Variants in STON2 observed in about 807,000 individuals in gnomAD.
The protein encoded by STON2 is stonin 2.
Under a neutral mutation model 65.7 loss-of-function variants are expected in STON2, and 29 were observed. The ratio of observed to expected loss-of-function variants is 0.44; its 90% CI spans 0.33 to 0.60. The LOEUF is 0.60. STON2 is among the 20% of genes least tolerant of loss of function. STON2 has a pLI of 0.03. For missense variants in STON2, 1,054 were observed against 1,118.1 expected (o/e 0.94, Z 0.82); for synonymous variants, 404 against 414.2 (o/e 0.98, Z 0.30).
intron 5 of STON2, among the ~76,000 whole-genome samples, chr14:81,319,881 G>A (rs1004809035): frequency 1.3e-5 from 2 of 152,076 alleles, no homozygotes; most frequent in Non-Finnish European, 2.9e-5. Flanking sequence ...TTGAACTAAG[G>A]GTTTATAATG....
At chr14:81,321,550 AT>A (rs1896823474) in intron 5 of STON2, among the ~76,000 whole-genome samples, 1 of 152,110 alleles carries the variant, frequency 6.6e-6, no homozygotes. Flanking sequence ...CTCTTTAAAT[AT>A]ACAGTTTTCA....
intron 4 of STON2, among the ~76,000 whole-genome samples, chr14:81,327,003 C>G (rs897499628): frequency 6.6e-6 from 1 of 152,064 alleles, no homozygotes; most frequent in African/African-American, 2.4e-5. Context: ...ACTAAAAATA[C>G]AAAAATTAGC....
intron 6 of STON2, among the ~76,000 whole-genome samples, chr14:81,272,011 CAGG>C (rs1318610775): frequency 1.3e-5 from 2 of 152,088 alleles, no homozygotes; most frequent in Non-Finnish European, 2.9e-5. Context: ...ATCACGAGGT[CAGG>C]AGATCGAGAC....
intron 4 of STON2, among the ~76,000 whole-genome samples, chr14:81,357,798 A>G (rs1898311176): frequency 6.6e-6 from 1 of 150,988 alleles, no homozygotes; most frequent in Non-Finnish European, 1.5e-5. Context: ...ACAAAAAACC[A>G]AACACCGCAT....
chr14:81,268,632 G>A (rs1411689795), intron 7 of STON2, 135 bp from the exon 8 acceptor site: 1 of 1,232,518 alleles, frequency 8.1e-7, no homozygotes, highest in Non-Finnish European at 1.0e-6. Context: ...TAGCCACATT[G>A]GAGCTACTGG....
chr14:81,350,115 G>A (rs1375871219), intron 4 of STON2, among the ~76,000 whole-genome samples: 1 of 152,098 alleles, frequency 6.6e-6, no homozygotes, highest in Non-Finnish European at 1.5e-5. Flanking sequence ...CAAACATACA[G>A]TTAGATAGAA....
At chr14:81,358,511 G>A (rs769765062) in intron 4 of STON2, among the ~76,000 whole-genome samples, 1 of 151,912 alleles carries the variant, frequency 6.6e-6, no homozygotes, top group Non-Finnish European at 1.5e-5. Context: ...ACAACCAGAA[G>A]GCAATTAATA....
chr14:81,365,153 G>A (rs947241896), intron 4 of STON2, among the ~76,000 whole-genome samples: 6 of 152,256 alleles, frequency 3.9e-5, no homozygotes, highest in African/African-American at 1.4e-4. Flanking sequence ...CTTTTTGCAA[G>A]TGGTTGCTGT....
At chr14:81,387,692 A>C (rs1235507403) in intron 3 of STON2, among the ~76,000 whole-genome samples, 1 of 151,748 alleles carries the variant, frequency 6.6e-6, no homozygotes, top group African/African-American at 2.4e-5. Context: ...CAGGAGTTCA[A>C]GACCAGTCTG....
At chr14:81,396,310 G>C in intron 2 of STON2, 132 bp from the exon 3 acceptor site, 1 of 750,258 alleles carries the variant, frequency 1.3e-6, no homozygotes, top group Non-Finnish European at 2.1e-6. Context: ...GGAGAAGAAA[G>C]AGCCACACCC....
At chr14:81,306,579 TA>T (rs1258054854) in intron 5 of STON2, 2 of 152,224 alleles carry the variant, frequency 1.3e-5, no homozygotes, top group East Asian at 3.9e-4. Context: ...TATATGGCAC[TA>T]AGCACAGAGT....
At chr14:81,397,011 C>T (rs4110462) in intron 2 of STON2, among the ~76,000 whole-genome samples, 26,839 of 152,014 alleles carry the variant, frequency 0.18, 3,052 homozygotes, top group East Asian at 0.43. Context: ...TGAGCTGAGA[C>T]TGCACCACTG....
chr14:81,405,814 G>T (rs927086143), intron 2 of STON2, among the ~76,000 whole-genome samples: 1 of 152,156 alleles, frequency 6.6e-6, no homozygotes, highest in African/African-American at 2.4e-5. Context: ...AGGATGCAAA[G>T]TATTGTTCCC....
upstream of STON2, among the ~76,000 whole-genome samples, chr14:81,402,614 A>G (rs1442194508): frequency 1.3e-5 from 2 of 152,162 alleles, no homozygotes; most frequent in Non-Finnish European, 2.9e-5. Flanking sequence ...TCTAGCCCAC[A>G]GTGAGTTACA....
At chr14:81,269,974 A>G in intron 7 of STON2, 1 of 985,254 alleles carries the variant, frequency 1.0e-6, no homozygotes, top group Non-Finnish European at 1.2e-6. Flanking sequence ...CACTTCATCA[A>G]CTCTAACTGA....
chr14:81,359,857 T>TGAACCAGTGATTTAAAAAC (rs1898411018), intron 4 of STON2, among the ~76,000 whole-genome samples: 1 of 152,116 alleles, frequency 6.6e-6, no homozygotes, highest in African/African-American at 2.4e-5. Context: ...GTAAGGAGAC[T>TGAACCAGTGATTTAAAAAC]GAACCAGTGA....
At chr14:81,269,866 C>T in intron 7 of STON2, 1 of 985,386 alleles carries the variant, frequency 1.0e-6, no homozygotes, top group South Asian at 4.7e-5. Context: ...TTCCACAGCC[C>T]TGACCCTGTT....
At chr14:81,348,652 T>C (rs928892373) in intron 4 of STON2, among the ~76,000 whole-genome samples, 16 of 152,128 alleles carry the variant, frequency 1.1e-4, no homozygotes, top group South Asian at 4.1e-4. Context: ...ATAATTAATA[T>C]TGTTAAAATG....
At chr14:81,419,011 T>G (rs1336612547) in intron 2 of STON2, among the ~76,000 whole-genome samples, 1 of 151,454 alleles carries the variant, frequency 6.6e-6, no homozygotes, top group Non-Finnish European at 1.5e-5. Context: ...AGAAAATACC[T>G]CTTAAAATCT....
Sources: gnomAD v4.1 joint callset for allele counts (sites outside exome capture counted in the v4.1 genomes callset) on GRCh38, gnomAD v4.1.1 for gene constraint, MANE v1.5 for transcripts, NCBI Gene and HGNC (gene_info 2026-07-23, HGNC 2026-07-21) for gene names.